The following STRN variants were observed in gnomAD, a reference collection of about 807,000 sequenced individuals.
The protein encoded by STRN is striatin.
Under a neutral mutation model 96.3 loss-of-function variants are expected in STRN, and 53 were observed. The observed-to-expected ratio is 0.55, with a 90% confidence interval of 0.44 to 0.69. The LOEUF is 0.69. STRN is among the 30% of genes least tolerant of loss of function. STRN has a pLI of 0.00. For synonymous variants in STRN, 428 were observed against 355.9 expected, an observed-to-expected ratio of 1.20 and a Z score of -2.28; for missense variants, 987 against 963.9, an observed-to-expected ratio of 1.02 and a Z score of -0.32.
At chr2:36,919,826 TTTG>T (rs1670203374) in intron 2 of STRN, among the ~76,000 whole-genome samples, 1 of 152,214 alleles carries the variant, frequency 6.6e-6, no homozygotes, top group Non-Finnish European at 1.5e-5. Flanking sequence ...TTATATAGTA[TTTG>T]AGGTTCCTCA....
At chr2:36,934,162 C>A (rs561721764) in intron 1 of STRN, among the ~76,000 whole-genome samples, 1 of 152,114 alleles carries the variant, frequency 6.6e-6, no homozygotes, top group East Asian at 1.9e-4. Context: ...TCTCTGCCCC[C>A]ACAAAGAAAG....
intron 10 of STRN, among the ~76,000 whole-genome samples, chr2:36,876,627 C>G (rs982590899): frequency 2.0e-5 from 3 of 152,038 alleles, no homozygotes; most frequent in African/African-American, 7.3e-5. Context: ...TGTTTTCCAA[C>G]AGAGATCATA....
chr2:36,915,251 ATATATAT>A (rs1670065215), intron 3 of STRN, among the ~76,000 whole-genome samples: 1 of 116,790 alleles, frequency 8.6e-6, no homozygotes, highest in Non-Finnish European at 1.7e-5. Flanking sequence ...ATATATATAT[ATATATAT>A]ATATATATAT....
At chr2:36,901,394 T>C (rs1323536324) in intron 5 of STRN, among the ~76,000 whole-genome samples, 3 of 151,702 alleles carry the variant, frequency 2.0e-5, no homozygotes, top group African/African-American at 7.3e-5. Flanking sequence ...CTACTAAAAA[T>C]ACAAAAAATT....
chr2:36,886,882 G>A (rs1669245308), intron 7 of STRN, 56 bp from the exon 8 acceptor site: 15 of 1,381,802 alleles, frequency 1.1e-5, no homozygotes, highest in Non-Finnish European at 1.5e-5. Flanking sequence ...TGAACACTCT[G>A]AGTCAGTATG....
Position 36,867,811 on chromosome 2 carries a change from T to C in STRN, c.1547+3A>G. ...TTAAAATAAAGAAAAAACATATACT[T>C]ACTTATGGGCTCTGAATGTATAGAT... is the stretch of plus-strand genomic sequence containing the variant. On this transcript the variant is annotated splice_donor_region_variant and intron_variant, in intron 12 of 17. Transcript: ENST00000263918. The C allele has an allele frequency of 1.3e-6, 2 of 1,560,486 alleles. No individual in the cohort carries two copies. Among genetic ancestry groups the C allele is most frequent in the South Asian group, 1.2e-5 (1 of 82,240 alleles).
rs1054310112 is a variant in STRN, at chr2:36,847,381, T to TCTTC, written c.*2071_*2074dup. 4.6e-5 allele frequency: 7 copies of TCTTC among 152,152 alleles called. No homozygotes were observed. The highest frequency in any genetic ancestry group is 1.0e-4 in the Non-Finnish European group (7 of 67,998). The allele number at this position is 152,152 out of a possible 1,614,324, so 9.4% of individuals were successfully genotyped here. On this transcript the variant is annotated 3_prime_UTR_variant, in exon 18 of 18. Transcript: ENST00000263918. ...ATCATAAATACACCAAGTAATGGCA[T>TCTTC]CTTCCTTCCTTCCTTCCTGGAAGGA...
chr2:36,878,749 C>T (rs561758352), intron 9 of STRN, among the ~76,000 whole-genome samples: 1 of 150,838 alleles, frequency 6.6e-6, no homozygotes, highest in Non-Finnish European at 1.5e-5. Flanking sequence ...TTTTTTATTT[C>T]TTTTTTTTTA....
At chr2:36,890,206 C>T (rs1329921896) in intron 7 of STRN, among the ~76,000 whole-genome samples, 1 of 152,100 alleles carries the variant, frequency 6.6e-6, no homozygotes, top group Non-Finnish European at 1.5e-5. Context: ...AGAATAAAGG[C>T]CTGTTTCACT....
intron 3 of STRN, among the ~76,000 whole-genome samples, chr2:36,913,437 TAGTC>T (rs1239871110): frequency 8.5e-5 from 13 of 152,306 alleles, no homozygotes; most frequent in Admixed American, 3.3e-4. Flanking sequence ...ATTCAACAAA[TAGTC>T]AGTTTACTTG....
At chr2:36,964,167 G>A (rs1572705926) in intron 1 of STRN, among the ~76,000 whole-genome samples, 1 of 122,754 alleles carries the variant, frequency 8.1e-6, no homozygotes, top group Non-Finnish European at 1.7e-5. Context: ...ACGAGGAGAG[G>A]GAGTGAACGG....
intron 10 of STRN, 41 bp downstream of exon 10, chr2:36,877,850 A>G (rs1444743863): frequency 6.2e-7 from 1 of 1,607,388 alleles, no homozygotes; most frequent in African/African-American, 1.3e-5. Flanking sequence ...TTTTGTTTTT[A>G]AAAACCAAGT....
chr2:36,948,126 G>C (rs1664647792), intron 1 of STRN, among the ~76,000 whole-genome samples: 1 of 74,052 alleles, frequency 1.4e-5, no homozygotes, highest in Non-Finnish European at 2.4e-5. Flanking sequence ...TTTTGTGACA[G>C]AGTCTCACTC....
At chr2:36,923,446 A>C (rs1030835599) in intron 2 of STRN, among the ~76,000 whole-genome samples, 14 of 116,518 alleles carry the variant, frequency 1.2e-4, no homozygotes, top group African/African-American at 3.5e-4. Flanking sequence ...GCAGGACTCC[A>C]AAAAAAAAAA....
At chr2:36,856,563 C>T (rs940887667) in intron 14 of STRN, among the ~76,000 whole-genome samples, 2 of 152,070 alleles carry the variant, frequency 1.3e-5, no homozygotes, top group South Asian at 2.1e-4. Context: ...ATTTACATGA[C>T]GTTTGAGTAG....
At chr2:36,942,995 CATTT>C (rs1338646361) in intron 1 of STRN, among the ~76,000 whole-genome samples, 1 of 152,018 alleles carries the variant, frequency 6.6e-6, no homozygotes, top group Non-Finnish European at 1.5e-5. Flanking sequence ...CATGCCCGGC[CATTT>C]ATTTTTTTAA....
At chr2:36,898,263 A>C (rs558519596) in intron 6 of STRN, among the ~76,000 whole-genome samples, 2 of 152,342 alleles carry the variant, frequency 1.3e-5, no homozygotes, top group Admixed American at 1.3e-4. Context: ...ATCACAAGGG[A>C]CTACCCAATT....
chr2:36,948,408 G>C (rs771679664), intron 1 of STRN, among the ~76,000 whole-genome samples: 17 of 152,088 alleles, frequency 1.1e-4, no homozygotes, highest in Non-Finnish European at 2.2e-4. Flanking sequence ...CCAGTTATCA[G>C]TGTATTCAGA....
In STRN at chr2:36,885,097, C is replaced by A. The variant is rs80189208; in HGVS notation, c.1043-1022G>T. ...CTAGATGTCTGAACACATTTTAATC[C>A]CCCGATTTAAGAAATCCAATTGCTT... On this transcript the variant is annotated intron_variant, in intron 8 of 17. Transcript: ENST00000263918. Among the ~76,000 whole-genome samples, 798 of 152,034 alleles carry A rather than the reference C, an allele frequency of 5.2e-3. 6 individuals carry two copies. The highest frequency in any genetic ancestry group is 0.018 in the African/African-American group (742 of 41,510).
Sources: allele counts gnomAD v4.1 joint callset (sites outside exome capture counted in the v4.1 genomes callset), GRCh38; gene constraint gnomAD v4.1.1; transcripts MANE v1.5; gene names NCBI Gene and HGNC (gene_info 2026-07-23, HGNC 2026-07-21).